The following HEXA variants were observed in gnomAD, a reference collection of about 807,000 sequenced individuals.
The protein encoded by HEXA is beta-hexosaminidase subunit alpha.
HEXA carries 54 observed loss-of-function variants against 73.3 expected under a neutral mutation model. The ratio of observed to expected loss-of-function variants is 0.74; its 90% CI spans 0.59 to 0.92. The LOEUF (loss-of-function observed/expected upper bound fraction) is 0.92, where lower values mean the gene tolerates loss of function less well. Ranked by LOEUF, HEXA falls within the 40% of genes least tolerant of loss-of-function variation. The probability of loss-of-function intolerance (pLI) is 0.00; values close to 1 mark genes in which losing one functional copy is unlikely to be tolerated. For synonymous variants in HEXA, 230 were observed against 246.9 expected (o/e 0.93, Z 0.64); for missense variants, 649 against 653.0 (o/e 0.99, Z 0.07).
In HEXA at chr15:72,353,686, C is replaced by T. The variant is rs762060470; in HGVS notation, c.459+5G>A. On this transcript the variant is annotated splice_donor_5th_base_variant and intron_variant, in intron 4 of 13. Coordinates refer to ENST00000268097, the MANE Select transcript of HEXA (RefSeq NM_000520.6). ...AAGGAGCCCTTTTTGAGGGTCCACA[C>T]TTACTGTGCCCTCAGCAGATTTCCA... 1.8e-5 allele frequency: 29 copies of T among 1,609,330 alleles called. No individual in the cohort carries two copies. In the Admixed American group the frequency reaches 3.0e-4, roughly 17 times the overall value.
intron 1 of HEXA, among the ~76,000 whole-genome samples, chr15:72,366,740 A>AACATC (rs753183845): frequency 1.5e-4 from 23 of 152,080 alleles, no homozygotes; most frequent in Non-Finnish European, 2.8e-4. Context: ...GTCATCCAAC[A>AACATC]ACATCCTCCT....
chr15:72,370,571 C>T (rs998381785), intron 1 of HEXA: 16 of 398,222 alleles, frequency 4.0e-5, no homozygotes, highest in Middle Eastern at 6.3e-4. Context: ...CGGTGGCATG[C>T]GTCTGTAGTC....
rs551398130 is a variant in HEXA, at chr15:72,351,354, A to G, written c.571-120T>C. 47 of 738,320 alleles carry G rather than the reference A, an allele frequency of 6.4e-5. 1 individual carries two copies. In the South Asian group the frequency reaches 6.6e-4, roughly 10 times the overall value. 45.7% of individuals were successfully genotyped at this position (738,320 alleles called of 1,614,324 possible). ...CACCCCTACAGGCTTGACCTGCCTC[A>G]GCTCTCAATTAAGTATTTATGGGGT... On this transcript the variant is annotated intron_variant, in intron 5 of 13. Coordinates refer to ENST00000268097, the MANE Select transcript of HEXA (RefSeq NM_000520.6).
At chr15:72,359,601 C>G (rs1316726690) in intron 1 of HEXA, 1 of 140,084 alleles carries the variant, frequency 7.1e-6, no homozygotes, top group East Asian at 2.1e-4. Flanking sequence ...GAGGCTGAGG[C>G]AGGAGAATCA....
rs1234925472 is a variant in HEXA at position 72,341,173 on chromosome 15, T to C, written c.*2904A>G. 6.6e-6 allele frequency: 1 copy of C among 152,180 alleles called. No individual in the cohort carries two copies. The highest frequency in any genetic ancestry group is 1.9e-4 in the East Asian group (1 of 5,194). 9.4% of individuals were successfully genotyped at this position (152,180 alleles called of 1,614,324 possible). A position where few individuals can be genotyped will look rare whatever the true frequency, so the allele number is the denominator to read the frequency against. ...ACATTAATACTAAATAAATTCCACC[T>C]ACATCCTTTCTTTCACCCTTTCCCA... is the stretch of plus-strand genomic sequence containing the variant. On this transcript the variant is annotated 3_prime_UTR_variant, in exon 14 of 14. Transcript: ENST00000268097.
At chr15:72,345,322 G>A (rs1595796142) in intron 13 of HEXA, 124 bp downstream of exon 13, 1 of 1,525,022 alleles carries the variant, frequency 6.6e-7, no homozygotes, top group Non-Finnish European at 8.8e-7. Flanking sequence ...ATCCGTGGAT[G>A]AGGGCTGACT....
chr15:72,346,193 C>G, intron 12 of HEXA, 42 bp downstream of exon 12: 1 of 1,459,514 alleles, frequency 6.9e-7, no homozygotes. Flanking sequence ...AGAACTCCTG[C>G]TCTCAGGCCC....
chr15:72,361,234 A>G (rs541209273), intron 1 of HEXA, among the ~76,000 whole-genome samples: 43 of 152,342 alleles, frequency 2.8e-4, no homozygotes, highest in African/African-American at 1.0e-3. Context: ...ACCTCTTGAC[A>G]GCATCAGACA....
chr15:72,356,656 A>T, intron 1 of HEXA, 39 bp from the exon 2 acceptor site: 1 of 1,612,744 alleles, frequency 6.2e-7, no homozygotes, highest in Non-Finnish European at 8.5e-7. Context: ...CCAACCTGCC[A>T]TTAGAAGCAA....
At chr15:72,348,924 A>C (rs1004880334) in intron 8 of HEXA, among the ~76,000 whole-genome samples, 155 bp downstream of exon 8, 4 of 152,190 alleles carry the variant, frequency 2.6e-5, no homozygotes, top group Non-Finnish European at 5.9e-5. Context: ...TAGGATCTCT[A>C]CGTAGATGGG....
chr15:72,361,255 T>C (rs1378890997), intron 1 of HEXA, among the ~76,000 whole-genome samples: 1 of 152,198 alleles, frequency 6.6e-6, no homozygotes. Flanking sequence ...TCTCTGACCT[T>C]CTTGAAACTA....
Position 72,367,964 on chromosome 15 carries a change from C to T in HEXA, c.253+7756G>A, listed in dbSNP as rs138794653. On this transcript the variant is annotated intron_variant, in intron 1 of 13. Transcript: ENST00000268097. ...TGCACTCCCAAAGTACCTTGTGCTT[C>T]AGTTATCATAGAAAAATATCACACT... is the stretch of plus-strand genomic sequence containing the variant. Among the ~76,000 whole-genome samples the T allele has an allele frequency of 2.5e-3, 324 of 129,366 alleles. 1 individual carries two copies. Among genetic ancestry groups the T allele is most frequent in the African/African-American group, 8.0e-3 (319 of 40,032 alleles). 84.9% of individuals were successfully genotyped at this position (129,366 alleles called of 152,430 possible).
rs2140322848 is a variant in HEXA, at chr15:72,349,071, G to A, written c.986+8C>T. On this transcript the variant is annotated splice_region_variant and intron_variant, in intron 8 of 13. Transcript: ENST00000268097. Reference sequence around the variant, plus strand: ...CAGGCCACAGTGGGAAGATCAAAGGGCTCATACCAGCAGGTGAAATCAACC... The same window carrying A: ...CAGGCCACAGTGGGAAGATCAAAGGACTCATACCAGCAGGTGAAATCAACC... 1.2e-6 allele frequency: 2 copies of A among 1,611,352 alleles called. No individual in the cohort carries two copies. Among genetic ancestry groups the A allele is most frequent in the Non-Finnish European group, 1.7e-6 (2 of 1,177,586 alleles).
At position 72,343,958 on chromosome 15, in the gene HEXA, C is replaced by G; in HGVS notation, c.*119G>C. On this transcript the variant is annotated 3_prime_UTR_variant, in exon 14 of 14. Transcript: ENST00000268097. Reference sequence around the variant, plus strand: ...GCACCGGCCCCTTTCTCTCCAAGCACAGGGGCACGCAGGCAAGGGGCACGA... The same window carrying G: ...GCACCGGCCCCTTTCTCTCCAAGCAGAGGGGCACGCAGGCAAGGGGCACGA... 1 of 806,476 alleles carries G rather than the reference C, an allele frequency of 1.2e-6. No homozygotes were observed. The highest frequency in any genetic ancestry group is 2.2e-6 in the Non-Finnish European group (1 of 461,132). 50.0% of individuals were successfully genotyped at this position (806,476 alleles called of 1,614,324 possible).
At chr15:72,372,490 C>T (rs569146235) in intron 1 of HEXA, among the ~76,000 whole-genome samples, 1 of 152,312 alleles carries the variant, frequency 6.6e-6, no homozygotes, top group South Asian at 2.1e-4. Flanking sequence ...AGATGGGTGC[C>T]ATTCCAAATT....
chr15:72,368,317 T>C (rs993585062), intron 1 of HEXA, among the ~76,000 whole-genome samples: 5 of 152,206 alleles, frequency 3.3e-5, no homozygotes, highest in Non-Finnish European at 7.3e-5. Context: ...GACAAAGACG[T>C]GTATGAGTAT....
chr15:72,355,532 C>T (rs2088764512), intron 3 of HEXA, 27 bp downstream of exon 3: 1 of 1,521,922 alleles, frequency 6.6e-7, no homozygotes, highest in African/African-American at 1.4e-5. Context: ...CTTTCTCTCT[C>T]TCTTTTAATC....
chr15:72,348,066 T>C lies in HEXA; in HGVS notation c.1055A>G (p.Glu352Gly). ...KGFGEDFKQL[E>G]SFYIQTLLDI... The stretch of plus-strand genomic sequence containing the variant: ...TCCTCACGTCTGGATGTAGAAGGAC[T>C]CCAGCTGCTTGAAGTCCTCACCGAA... Residue 352 changes from glutamate to glycine, a missense_variant, in exon 9 of 14, where the codon GAG becomes GGG. Transcript: ENST00000268097. 2.5e-6 allele frequency: 4 copies of C among 1,611,732 alleles called. No homozygotes were observed. In the East Asian group the frequency reaches 6.7e-5, roughly 27 times the overall value.
At position 72,344,001 on chromosome 15, in the gene HEXA, C is replaced by T. The variant is rs558918292; in HGVS notation, c.*76G>A. The stretch of plus-strand genomic sequence containing the variant: ...GGGCACGAAGGCAAGGGGCTCCGTC[C>T]CCTGGCCAGGATGCAGTGGAAGCCT... On this transcript the variant is annotated 3_prime_UTR_variant, in exon 14 of 14. Coordinates refer to ENST00000268097, the MANE Select transcript of HEXA (RefSeq NM_000520.6). The T allele has an allele frequency of 5.2e-4, 672 of 1,300,230 alleles. 3 individuals are homozygous for T. In the African/African-American group the frequency reaches 8.7e-3, roughly 17 times the overall value. 80.5% of individuals were successfully genotyped at this position (1,300,230 alleles called of 1,614,324 possible).
Sources: gnomAD v4.1 joint callset for allele counts (sites outside exome capture counted in the v4.1 genomes callset) on GRCh38, gnomAD v4.1.1 for gene constraint, MANE v1.5 for transcripts, NCBI Gene and HGNC (gene_info 2026-07-23, HGNC 2026-07-21) for gene names.